DENND2A: variants seen among roughly 807,000 people sequenced by gnomAD.
DENND2A encodes the protein DENN domain containing 2A, also known as DENN domain-containing protein 2A.
Under a neutral mutation model 105.3 loss-of-function variants are expected in DENND2A, and 53 were observed. The observed-to-expected ratio is 0.50, with a 90% CI of 0.40 to 0.63. The LOEUF is 0.63. Ranked by LOEUF, DENND2A falls within the 30% of genes least tolerant of loss-of-function variation. The probability of loss-of-function intolerance (pLI) is 0.00; values close to 1 mark genes in which losing one functional copy is unlikely to be tolerated. For missense variants in DENND2A, 1,138 were observed against 1,279.6 expected (o/e 0.89, Z 1.69); for synonymous variants, 522 against 508.4 (o/e 1.03, Z -0.36).
chr7:140,624,699 C>A (rs979726819), intron 1 of DENND2A, among the ~76,000 whole-genome samples: 2 of 151,704 alleles, frequency 1.3e-5, no homozygotes, highest in Non-Finnish European at 1.5e-5. Context: ...GAAGGCATTT[C>A]TTTTCCTTTT....
At chr7:140,560,532 G>A (rs1797570625) in intron 9 of DENND2A, among the ~76,000 whole-genome samples, 1 of 151,826 alleles carries the variant, frequency 6.6e-6, no homozygotes, top group Non-Finnish European at 1.5e-5. Flanking sequence ...TCTTGTTAAA[G>A]AACAGGAGGA....
At position 140,587,784 on chromosome 7, in the gene DENND2A, G is replaced by C; in HGVS notation, c.996-4C>G. On this transcript the variant is annotated splice_region_variant and splice_polypyrimidine_tract_variant and intron_variant, in intron 3 of 19. Coordinates refer to ENST00000496613, the MANE Select transcript of DENND2A (RefSeq NM_015689.5). ...ATCTTCAAACTCATAGGACTTTCTG[G>C]AATGTGCCAGATGGGAGGAAAAAAC... The C allele has an allele frequency of 6.4e-7, 1 of 1,571,140 alleles. No homozygotes were observed. Among genetic ancestry groups the C allele is most frequent in the Non-Finnish European group, 8.7e-7 (1 of 1,152,070 alleles).
At chr7:140,532,272 A>G (rs530758321) in intron 14 of DENND2A, among the ~76,000 whole-genome samples, 5 of 152,318 alleles carry the variant, frequency 3.3e-5, no homozygotes, top group Middle Eastern at 3.4e-3. Flanking sequence ...CCGTCTCAAA[A>G]AAATAAAAGA....
intron 16 of DENND2A, among the ~76,000 whole-genome samples, chr7:140,525,191 G>A (rs1027021089): frequency 7.3e-6 from 1 of 136,980 alleles, no homozygotes; most frequent in Non-Finnish European, 1.5e-5. Context: ...ATCTCACTCT[G>A]TCACCCAGGC....
chr7:140,565,639 C>T (rs1288520377), intron 9 of DENND2A, among the ~76,000 whole-genome samples: 1 of 152,074 alleles, frequency 6.6e-6, no homozygotes, highest in Non-Finnish European at 1.5e-5. Flanking sequence ...TGAATTCATA[C>T]GGCCATGGTC....
intron 14 of DENND2A, among the ~76,000 whole-genome samples, chr7:140,536,525 G>A (rs1252016129): frequency 6.6e-6 from 1 of 152,170 alleles, no homozygotes; most frequent in Admixed American, 6.6e-5. Context: ...TGTCAGTGAT[G>A]GGTCTGGATT....
chr7:140,605,927 G>A (rs747784380), intron 1 of DENND2A, 121 bp from the exon 2 acceptor site: 1 of 152,208 alleles, frequency 6.6e-6, no homozygotes, highest in Non-Finnish European at 1.5e-5. Flanking sequence ...CAGGAGCAGG[G>A]GGTGGAAAGA....
At position 140,520,661 on chromosome 7, in the gene DENND2A, C is replaced by T. The variant is rs542419993; in HGVS notation, c.2912-943G>A. Among the ~76,000 whole-genome samples, 5 of 151,674 alleles carry T rather than the reference C, an allele frequency of 3.3e-5. No individual in the cohort carries two copies. The South Asian group carries it at 6.2e-4, about 19-fold the overall frequency. ...GCAAGCTCTGCCTCCTGGGTTCAAGCGCTTCTCCTGCCTCAGCCTCCTGAG... is the reference window on the plus strand; with the variant it reads ...GCAAGCTCTGCCTCCTGGGTTCAAGTGCTTCTCCTGCCTCAGCCTCCTGAG... On this transcript the variant is annotated intron_variant, in intron 18 of 19. Transcript: ENST00000496613.
chr7:140,553,599 G>T lies in DENND2A; in HGVS notation c.2037+2037C>A, dbSNP rs1797231711. Among the ~76,000 whole-genome samples the T allele has an allele frequency of 5.9e-5, 9 of 152,180 alleles. 1 individual carries two copies. The highest frequency in any genetic ancestry group is 5.9e-4 in the Admixed American group (9 of 15,266). On this transcript the variant is annotated intron_variant, in intron 12 of 19. Coordinates refer to ENST00000496613, the MANE Select transcript of DENND2A (RefSeq NM_015689.5). ...CATATTTCAGACTATCCCATGAGGA[G>T]AAATCTTGGACAATACCTGGCTTTC... is the stretch of plus-strand genomic sequence containing the variant.
Position 140,628,649 on chromosome 7 carries a change from C to T in DENND2A, c.-248+11855G>A, listed in dbSNP as rs149937383. Among the ~76,000 whole-genome samples, 541 of 150,298 alleles carry T rather than the reference C, an allele frequency of 3.6e-3. 5 individuals are homozygous for T. The highest frequency in any genetic ancestry group is 6.3e-3 in the South Asian group (30 of 4,764). On this transcript the variant is annotated intron_variant, in intron 1 of 19. Coordinates refer to ENST00000496613, the MANE Select transcript of DENND2A (RefSeq NM_015689.5). ...CTGCCTCCCAGGTTCAAGGCATTCT[C>T]CTGCCTCAGCCTCCCTAGTAGCTGG...
At chr7:140,553,787 C>T (rs1213092369) in intron 12 of DENND2A, among the ~76,000 whole-genome samples, 1 of 152,194 alleles carries the variant, frequency 6.6e-6, no homozygotes, top group African/African-American at 2.4e-5. Flanking sequence ...GGACACAGCA[C>T]GTTTCAGAGA....
At chr7:140,551,440 C>T (rs1797136495) in intron 12 of DENND2A, among the ~76,000 whole-genome samples, 1 of 152,062 alleles carries the variant, frequency 6.6e-6, no homozygotes, top group Admixed American at 6.6e-5. Context: ...TTTTGTGTGC[C>T]CTTTTGTGCC....
intron 1 of DENND2A, among the ~76,000 whole-genome samples, chr7:140,631,612 C>A (rs1422648714): frequency 1.3e-5 from 2 of 152,172 alleles, no homozygotes; most frequent in Non-Finnish European, 2.9e-5. Context: ...ACAGAGGGCA[C>A]TGGTCCCCTT....
chr7:140,560,321 G>C (rs988768127), intron 9 of DENND2A, among the ~76,000 whole-genome samples: 1 of 152,150 alleles, frequency 6.6e-6, no homozygotes, highest in African/African-American at 2.4e-5. Context: ...AGAAGGAAGC[G>C]TGACACCATC....
intron 9 of DENND2A, among the ~76,000 whole-genome samples, chr7:140,560,982 TA>T (rs1460339170): frequency 6.6e-6 from 1 of 152,118 alleles, no homozygotes; most frequent in East Asian, 1.9e-4. Context: ...GAGATGATAC[TA>T]AAGTCGTGAG....
chr7:140,592,432 T>C lies in DENND2A; in HGVS notation c.996-4652A>G, dbSNP rs142144829. The stretch of plus-strand genomic sequence containing the variant: ...TTCACCGTGTTAGCCAGGATGGTTT[T>C]GATCTCCTGACGTTGTGATCTGCCC... On this transcript the variant is annotated intron_variant, in intron 3 of 19. Coordinates refer to ENST00000496613, the MANE Select transcript of DENND2A (RefSeq NM_015689.5). Among the ~76,000 whole-genome samples, 156 of 151,970 alleles carry C rather than the reference T, an allele frequency of 1.0e-3. 4 individuals carry two copies. The East Asian group carries it at 0.03, about 29-fold the overall frequency.
At position 140,555,330 on chromosome 7, in the gene DENND2A, G is replaced by T. The variant is rs535332811; in HGVS notation, c.2037+306C>A. Among the ~76,000 whole-genome samples the T allele has an allele frequency of 3.9e-5, 6 of 151,918 alleles. 1 individual carries two copies. Among genetic ancestry groups the T allele is most frequent in the African/African-American group, 1.4e-4 (6 of 41,446 alleles). ...TTTTTTGTATTTTTAGTAGGGATGG[G>T]CTTTCACCATGCTGGCCAGGCTTGT... On this transcript the variant is annotated intron_variant, in intron 12 of 19. Transcript: ENST00000496613.
chr7:140,601,182 C>A (rs1296302456), intron 3 of DENND2A, among the ~76,000 whole-genome samples: 20 of 152,346 alleles, frequency 1.3e-4, no homozygotes, highest in Non-Finnish European at 1.0e-4. Flanking sequence ...AAAGCACATA[C>A]TCTTCTTTTT....
chr7:140,521,331 T>C (rs529903312), intron 18 of DENND2A, among the ~76,000 whole-genome samples: 2 of 152,120 alleles, frequency 1.3e-5, no homozygotes, highest in African/African-American at 4.8e-5. Context: ...TGGAGTGCAG[T>C]GACATGATCT....
Sources: allele counts gnomAD v4.1 joint callset (sites outside exome capture counted in the v4.1 genomes callset), GRCh38; gene constraint gnomAD v4.1.1; transcripts MANE v1.5; gene names NCBI Gene and HGNC (gene_info 2026-07-23, HGNC 2026-07-21).